TTLL6: variants seen among roughly 807,000 people sequenced by gnomAD.
The protein encoded by TTLL6 is tubulin polyglutamylase TTLL6.
A neutral mutation model predicts 96.4 loss-of-function variants in TTLL6; 75 were observed. The observed-to-expected ratio is 0.78, with a 90% confidence interval of 0.65 to 0.94. The LOEUF is 0.94. TTLL6 is among the 40% of genes least tolerant of loss of function. The pLI is 0.00. For missense variants in TTLL6, 1,030 were observed against 1,093.0 expected (o/e 0.94, Z 0.81); for synonymous variants, 411 against 419.4 (o/e 0.98, Z 0.24).
At chr17:48,791,355 G>C in intron 9 of TTLL6, 23 bp downstream of exon 9, 2 of 1,604,930 alleles carry the variant, frequency 1.2e-6, no homozygotes, top group South Asian at 1.1e-5. Context: ...GTTCGTTTTC[G>C]CCCCTCGCCC....
chr17:48,791,685 C>G, intron 8 of TTLL6, 82 bp from the exon 9 acceptor site: 1 of 1,222,090 alleles, frequency 8.2e-7, no homozygotes, highest in Non-Finnish European at 1.2e-6. Flanking sequence ...ACCAGAAACT[C>G]CTGGCGGAGA....
chr17:48,812,201 T>C (rs2039607196), intron 1 of TTLL6: 1 of 152,108 alleles, frequency 6.6e-6, no homozygotes, highest in Non-Finnish European at 1.5e-5. Context: ...ACAATTTTGT[T>C]GGTGCCAACA....
At chr17:48,802,689 G>A (rs2039445561) in intron 3 of TTLL6, among the ~76,000 whole-genome samples, 1 of 152,158 alleles carries the variant, frequency 6.6e-6, no homozygotes, top group Non-Finnish European at 1.5e-5. Context: ...TGGCCAACAT[G>A]GCAAAACTTT....
At position 48,769,792 on chromosome 17, in the gene TTLL6, C is replaced by T. The variant is rs150522832; in HGVS notation, c.2346G>A (p.Leu782=). Residue 782 remains leucine (L), a synonymous_variant, in exon 14 of 16, where the codon CTG becomes CTA. Transcript: ENST00000393382. ...LISELLTKLQ[L]SGKLSFFPAH... ...CTGGGAAGAAGGAGAGCTTCCCACT[C>T]AGTTGAAGCTTGGTGAGTAGCTCGG... 88 of 1,614,106 alleles carry T rather than the reference C, an allele frequency of 5.5e-5. No homozygotes were observed. In the African/African-American group the frequency reaches 8.8e-4, roughly 16 times the overall value.
chr17:48,804,719 T>A (rs917701310), intron 2 of TTLL6, 53 bp downstream of exon 2: 1 of 1,477,482 alleles, frequency 6.8e-7, no homozygotes, highest in Non-Finnish European at 9.2e-7. Context: ...TCCCTCCAAG[T>A]CCTTCCTGTT....
chr17:48,810,159 G>GGAAAA (rs1002059195), intron 1 of TTLL6, among the ~76,000 whole-genome samples: 1 of 143,888 alleles, frequency 6.9e-6, no homozygotes, highest in Non-Finnish European at 1.5e-5. Flanking sequence ...AAAAAAAAAA[G>GGAAAA]GAAAAGAAAA....
chr17:48,811,517 C>T (rs2039592009), intron 1 of TTLL6, among the ~76,000 whole-genome samples: 2 of 152,058 alleles, frequency 1.3e-5, no homozygotes, highest in African/African-American at 4.8e-5. Flanking sequence ...AACCATGAGC[C>T]GCTGTGCCCA....
At chr17:48,794,076 CG>C (rs892893890) in intron 8 of TTLL6, 245 of 1,450,896 alleles carry the variant, frequency 1.7e-4, no homozygotes, top group Non-Finnish European at 4.7e-5. Flanking sequence ...GCGGAGGCCA[CG>C]GGGGCACACG....
rs967768385 is a variant in TTLL6 at position 48,789,920 on chromosome 17, T to C, written c.1400+11A>G. ...GAGAGAGCCCCGCAAGGCTGGGGAGTGCGAATGTACCTCATCTCCCGAGAA... is the reference window on the plus strand; with the variant it reads ...GAGAGAGCCCCGCAAGGCTGGGGAGCGCGAATGTACCTCATCTCCCGAGAA... On this transcript the variant is annotated intron_variant, in intron 10 of 15. Transcript: ENST00000393382. 6.2e-7 allele frequency: 1 copy of C among 1,613,148 alleles called. No individual in the cohort carries two copies.
At chr17:48,804,669 A>T (rs374239751) in intron 2 of TTLL6, 103 bp downstream of exon 2, 1 of 968,412 alleles carries the variant, frequency 1.0e-6, no homozygotes. Context: ...CTCAGCACAC[A>T]GTTTCTCCTT....
intron 10 of TTLL6, among the ~76,000 whole-genome samples, chr17:48,788,212 G>C (rs1171665855): frequency 2.0e-5 from 3 of 152,202 alleles, no homozygotes; most frequent in African/African-American, 7.2e-5. Context: ...CTAAAAGCTG[G>C]TTAGCACAGT....
chr17:48,809,755 C>A (rs1030121611), intron 1 of TTLL6, among the ~76,000 whole-genome samples: 2 of 152,068 alleles, frequency 1.3e-5, no homozygotes, highest in Admixed American at 6.6e-5. Flanking sequence ...ACTCAGGAGG[C>A]TGAGGTAGGA....
intron 13 of TTLL6, among the ~76,000 whole-genome samples, chr17:48,783,115 CTT>C (rs2039020034): frequency 6.6e-6 from 1 of 152,004 alleles, no homozygotes. Context: ...GTTTTAGAAA[CTT>C]TTTTCCAGGT....
At chr17:48,794,384 C>CTCACAGGG (rs1487192562) in intron 8 of TTLL6, 11 of 1,496,510 alleles carry the variant, frequency 7.4e-6, no homozygotes, top group Non-Finnish European at 9.8e-6. Flanking sequence ...TCATTTGAAC[C>CTCACAGGG]TCACAGAGAC....
chr17:48,767,155 G>A (rs953604584), intron 15 of TTLL6, among the ~76,000 whole-genome samples: 13 of 151,968 alleles, frequency 8.6e-5, no homozygotes, highest in East Asian at 5.8e-4. Context: ...TGCCCACCTC[G>A]GCCTCCCAAA....
chr17:48,766,096 A>C (rs1417293411), intron 15 of TTLL6, among the ~76,000 whole-genome samples: 1 of 152,208 alleles, frequency 6.6e-6, no homozygotes, highest in Non-Finnish European at 1.5e-5. Flanking sequence ...CTGATGTCAG[A>C]GGTATTCACC....
chr17:48,808,548 T>C (rs1162787462), intron 1 of TTLL6, among the ~76,000 whole-genome samples: 1 of 152,082 alleles, frequency 6.6e-6, no homozygotes. Flanking sequence ...TCATCTCCCC[T>C]CTCTATACAT....
Position 48,801,241 on chromosome 17 carries a change from C to T in TTLL6, c.611+14G>A, listed in dbSNP as rs780209625. The T allele has an allele frequency of 1.3e-5, 20 of 1,549,778 alleles. No homozygotes were observed. Among genetic ancestry groups the T allele is most frequent in the East Asian group, 2.4e-5 (1 of 40,892 alleles). ...GGGGAGTGGAGAAGGAAGTACAGGG[C>T]GGGGGGCACTCACTCAGCAGGAAGA... On this transcript the variant is annotated intron_variant, in intron 5 of 15. Coordinates refer to ENST00000393382, the MANE Select transcript of TTLL6 (RefSeq NM_001130918.3).
chr17:48,763,787 A>G (rs1466044911), intron 15 of TTLL6, among the ~76,000 whole-genome samples: 1 of 152,086 alleles, frequency 6.6e-6, no homozygotes, highest in Admixed American at 6.5e-5. Context: ...CGACAGAGCA[A>G]GACTCTGTCT....
Sources: allele counts gnomAD v4.1 joint callset (sites outside exome capture counted in the v4.1 genomes callset), GRCh38; gene constraint gnomAD v4.1.1; transcripts MANE v1.5; gene names NCBI Gene and HGNC (gene_info 2026-07-23, HGNC 2026-07-21).